The following SYT2 variants were observed in gnomAD, a reference collection of about 807,000 sequenced individuals.
SYT2 encodes synaptotagmin-2.
A neutral mutation model predicts 39.9 loss-of-function variants in SYT2; 15 were observed. The ratio of observed to expected loss-of-function variants is 0.38; its 90% CI spans 0.25 to 0.58. SYT2 has a LOEUF of 0.58. Among genes scored for constraint, SYT2 ranks in the 20% least tolerant of loss-of-function variants. SYT2 has a pLI of 0.70. For missense variants in SYT2, 389 were observed against 530.3 expected (o/e 0.73, Z 2.62); for synonymous variants, 181 against 204.5 (o/e 0.89, Z 0.98).
chr1:202,683,024 G>C lies in SYT2; in HGVS notation c.-18+27234C>G, dbSNP rs191932993. 1.2e-3 allele frequency among the ~76,000 whole-genome samples: 184 copies of C among 152,302 alleles called. 2 individuals carry two copies. The highest frequency in any genetic ancestry group is 2.8e-4 in the Non-Finnish European group (19 of 68,028). The stretch of plus-strand genomic sequence containing the variant: ...CTCAATTATTTTAGTCATCAGGGAA[G>C]TGCATGTTGAAATGGAAGAGAGATG... On this transcript the variant is annotated intron_variant, in intron 1 of 8. Transcript: ENST00000367268.
chr1:202,627,169 CTG>C (rs1413670245), intron 1 of SYT2, among the ~76,000 whole-genome samples: 3 of 152,242 alleles, frequency 2.0e-5, no homozygotes, highest in Non-Finnish European at 4.4e-5. Flanking sequence ...TTCCCTGGCT[CTG>C]TGTGTTCCTC....
rs1691475149 is a variant in SYT2 at position 202,628,287 on chromosome 1, G to A, written c.-17-22498C>T. ...ATGGAAAGAGCTGTACTCCCAGGTA[G>A]CAGAGCAGCTCGCTTTGGGCCACAC... On this transcript the variant is annotated intron_variant, in intron 1 of 8. Coordinates refer to ENST00000367268, the MANE Select transcript of SYT2 (RefSeq NM_177402.5). The surrounding 1 kb of genome is among the most constrained non-coding windows in gnomAD (Gnocchi z 4.2). Among the ~76,000 whole-genome samples the A allele has an allele frequency of 6.6e-6, 1 of 152,176 alleles. No individual in the cohort carries two copies.
chr1:202,696,859 G>A (rs1235403832), intron 1 of SYT2, among the ~76,000 whole-genome samples: 9 of 152,242 alleles, frequency 5.9e-5, no homozygotes, highest in African/African-American at 1.7e-4. Flanking sequence ...AGGGGGATCA[G>A]GTGAGCTCTT....
At chr1:202,680,700 T>G (rs1653502710) in intron 1 of SYT2, among the ~76,000 whole-genome samples, 1 of 152,176 alleles carries the variant, frequency 6.6e-6, no homozygotes, top group South Asian at 2.1e-4. Flanking sequence ...TCCTTGCCCC[T>G]CTCTGCTTTT....
rs1653743322 is a variant in SYT2 at position 202,688,939 on chromosome 1, G to A, written c.-18+21319C>T. Among the ~76,000 whole-genome samples the A allele has an allele frequency of 2.6e-5, 4 of 152,170 alleles. No homozygotes were observed. In the South Asian group the frequency reaches 8.3e-4, roughly 32 times the overall value. The stretch of plus-strand genomic sequence containing the variant: ...GGGGAAAGATCCAAATGGGGAGTCA[G>A]GACATGGTGTTCTAGATGTGGCCTG... On this transcript the variant is annotated intron_variant, in intron 1 of 8. Coordinates refer to ENST00000367268, the MANE Select transcript of SYT2 (RefSeq NM_177402.5).
chr1:202,594,701 T>TACACACGTACACACACACACACACAC lies in SYT2; in HGVS notation c.*2055_*2056insGTGTGTGTGTGTGTGTGTACGTGTGT. On this transcript the variant is annotated 3_prime_UTR_variant, in exon 9 of 9. Transcript: ENST00000367268. Reference sequence around the variant, plus strand: ...AGAGTCTTACCTTCCCATCATTAAGTACACACACACACACACACACACACA... The same window carrying TACACACGTACACACACACACACACAC: ...AGAGTCTTACCTTCCCATCATTAAGTACACACGTACACACACACACACACACACACACACACACACACACACACACA... 1 of 143,472 alleles carries TACACACGTACACACACACACACACAC rather than the reference T, an allele frequency of 7.0e-6. No homozygotes were observed. Among genetic ancestry groups the TACACACGTACACACACACACACACAC allele is most frequent in the East Asian group, 2.1e-4 (1 of 4,792 alleles). 8.9% of individuals were successfully genotyped at this position (143,472 alleles called of 1,614,324 possible). A position where few individuals can be genotyped will look rare whatever the true frequency, so the allele number is the denominator to read the frequency against.
intron 1 of SYT2, among the ~76,000 whole-genome samples, chr1:202,692,660 G>T (rs1397098335): frequency 6.6e-6 from 1 of 152,210 alleles, no homozygotes; most frequent in African/African-American, 2.4e-5. Context: ...GAAAAAGTGG[G>T]GCCCGTAAAG....
intron 1 of SYT2, among the ~76,000 whole-genome samples, chr1:202,680,159 C>G (rs1653488701): frequency 6.6e-6 from 1 of 152,200 alleles, no homozygotes; most frequent in Non-Finnish European, 1.5e-5. Flanking sequence ...CAGGCCTGCA[C>G]TTAGTTGGGC....
At chr1:202,653,282 GAT>G (rs1692224453) in intron 1 of SYT2, among the ~76,000 whole-genome samples, 1 of 152,076 alleles carries the variant, frequency 6.6e-6, no homozygotes, top group South Asian at 2.1e-4. Context: ...TTCATACTTA[GAT>G]ATATAGATTC....
intron 1 of SYT2, among the ~76,000 whole-genome samples, chr1:202,618,983 G>A (rs1436233755): frequency 6.6e-6 from 1 of 152,310 alleles, no homozygotes; most frequent in East Asian, 1.9e-4. Flanking sequence ...GTTGTCCAAG[G>A]TCGCACAGGC....
At position 202,599,157 on chromosome 1, in the gene SYT2, C is replaced by T. The variant is rs1558421342; in HGVS notation, c.1053+61G>A. On this transcript the variant is annotated intron_variant, in intron 8 of 8. Transcript: ENST00000367268. The surrounding 1 kb of genome is among the most constrained non-coding windows in gnomAD (Gnocchi z 4.4). ...TAGGTGAGTTCCCTCTCTTCAACCTCCCCATACATGTTTGCCTCCCCAAAC... is the reference window on the plus strand; with the variant it reads ...TAGGTGAGTTCCCTCTCTTCAACCTTCCCATACATGTTTGCCTCCCCAAAC... 6.3e-7 allele frequency: 1 copy of T among 1,598,712 alleles called. No homozygotes were observed. The highest frequency in any genetic ancestry group is 8.5e-7 in the Non-Finnish European group (1 of 1,175,106).
At chr1:202,700,147 C>T (rs960419496) in intron 1 of SYT2, among the ~76,000 whole-genome samples, 1 of 152,148 alleles carries the variant, frequency 6.6e-6, no homozygotes, top group East Asian at 1.9e-4. Flanking sequence ...CTCCAGGCAG[C>T]CCTGGAGGGA....
At chr1:202,683,363 A>G (rs6673562) in intron 1 of SYT2, among the ~76,000 whole-genome samples, 44,900 of 152,118 alleles carry the variant, frequency 0.3, 6,828 homozygotes, top group East Asian at 0.41. Flanking sequence ...AATACAACAC[A>G]TCAATGTGGA....
chr1:202,696,132 C>T (rs574663354), intron 1 of SYT2, among the ~76,000 whole-genome samples: 1 of 152,302 alleles, frequency 6.6e-6, no homozygotes, highest in South Asian at 2.1e-4. Context: ...GGATGGAACA[C>T]AGAAAAGAGA....
At chr1:202,617,435 C>T (rs997994695) in intron 1 of SYT2, among the ~76,000 whole-genome samples, 9 of 152,092 alleles carry the variant, frequency 5.9e-5, no homozygotes, top group African/African-American at 2.2e-4. Flanking sequence ...TCCCTCTTCA[C>T]CTCCCCCCAT....
In SYT2 at chr1:202,595,158, C is replaced by G. The variant is rs1195725890; in HGVS notation, c.*1599G>C. On this transcript the variant is annotated 3_prime_UTR_variant, in exon 9 of 9. Transcript: ENST00000367268. ...AAGGAAGGCAGGCAAGGAGGGCTGG[C>G]CTCTGGCCACAAGGGGACCTCACTC... 6.6e-6 allele frequency: 1 copy of G among 152,372 alleles called. No individual in the cohort carries two copies. The highest frequency in any genetic ancestry group is 1.5e-5 in the Non-Finnish European group (1 of 68,152). 9.4% of individuals were successfully genotyped at this position (152,372 alleles called of 1,614,324 possible). A position where few individuals can be genotyped will look rare whatever the true frequency, so the allele number is the denominator to read the frequency against.
chr1:202,702,756 A>G (rs1654151796), intron 1 of SYT2, among the ~76,000 whole-genome samples: 1 of 152,218 alleles, frequency 6.6e-6, no homozygotes, highest in African/African-American at 2.4e-5. Context: ...GAGTTGGTAC[A>G]ATGAAAGATA....
chr1:202,691,339 G>A (rs1397415491), intron 1 of SYT2, among the ~76,000 whole-genome samples: 1 of 152,248 alleles, frequency 6.6e-6, no homozygotes, highest in East Asian at 1.9e-4. Context: ...CTCAGTTGGT[G>A]AGAGGCATGG....
rs1690201248 is a variant in SYT2 at position 202,593,757 on chromosome 1, CCA to C, written c.*2998_*2999del. The C allele has an allele frequency of 6.6e-6, 1 of 152,112 alleles. No homozygotes were observed. The highest frequency in any genetic ancestry group is 1.5e-5 in the Non-Finnish European group (1 of 68,024). 9.4% of individuals were successfully genotyped at this position (152,112 alleles called of 1,614,324 possible). On this transcript the variant is annotated 3_prime_UTR_variant, in exon 9 of 9. Coordinates refer to ENST00000367268, the MANE Select transcript of SYT2 (RefSeq NM_177402.5). Reference sequence around the variant, plus strand: ...AGAAAACGAACTTTCAGACTTTACCCCAGTTTCTGGATGGGATTAGGCTTGTT... The same window carrying C: ...AGAAAACGAACTTTCAGACTTTACCCGTTTCTGGATGGGATTAGGCTTGTT...
Sources: allele counts gnomAD v4.1 joint callset (sites outside exome capture counted in the v4.1 genomes callset), GRCh38; gene constraint gnomAD v4.1.1; non-coding constraint Gnocchi (gnomAD v3.1); transcripts MANE v1.5; gene names NCBI Gene and HGNC (gene_info 2026-07-23, HGNC 2026-07-21).